Variants in CFAP299 observed in about 807,000 individuals in gnomAD.
The protein encoded by CFAP299 is cilia- and flagella-associated protein 299.
A neutral mutation model predicts 27.0 loss-of-function variants in CFAP299; 21 were observed. The ratio of observed to expected loss-of-function variants is 0.78; its 90% CI spans 0.55 to 1.12. CFAP299 has a LOEUF of 1.12. Among genes scored for constraint, CFAP299 ranks in the 50% most tolerant of loss-of-function variants. CFAP299 has a pLI of 0.00. For synonymous variants in CFAP299, 104 were observed against 98.1 expected, an observed-to-expected ratio of 1.06 and a Z score of -0.36; for missense variants, 310 against 276.6, an observed-to-expected ratio of 1.12 and a Z score of -0.86.
At chr4:80,422,491 G>T (rs916486390) in intron 2 of CFAP299, among the ~76,000 whole-genome samples, 4 of 152,052 alleles carry the variant, frequency 2.6e-5, no homozygotes, top group Non-Finnish European at 5.9e-5. Flanking sequence ...TACTTGCAAG[G>T]TCTTGTACTT....
At chr4:80,824,916 T>G (rs1026052136) in intron 3 of CFAP299, among the ~76,000 whole-genome samples, 4 of 151,938 alleles carry the variant, frequency 2.6e-5, no homozygotes, top group African/African-American at 9.7e-5. Context: ...AACAAAAAAT[T>G]TCTCCAGAAA....
At chr4:80,751,837 GT>G (rs1724943507) in intron 3 of CFAP299, among the ~76,000 whole-genome samples, 1 of 152,136 alleles carries the variant, frequency 6.6e-6, no homozygotes, top group African/African-American at 2.4e-5. Flanking sequence ...AACTTGTAAG[GT>G]GCATTAGAAG....
chr4:80,600,669 T>C (rs556234110), intron 3 of CFAP299, among the ~76,000 whole-genome samples: 1 of 152,274 alleles, frequency 6.6e-6, no homozygotes, highest in African/African-American at 2.4e-5. Context: ...TTCTTCTCAC[T>C]ATTGAAAAGG....
chr4:80,786,037 C>T (rs1258317130), intron 3 of CFAP299, among the ~76,000 whole-genome samples: 1 of 152,066 alleles, frequency 6.6e-6, no homozygotes, highest in Non-Finnish European at 1.5e-5. Context: ...TTCAAAAGGA[C>T]CTCCACATAT....
At chr4:80,873,252 T>G (rs1733202997) in intron 4 of CFAP299, among the ~76,000 whole-genome samples, 1 of 152,158 alleles carries the variant, frequency 6.6e-6, no homozygotes. Flanking sequence ...AGTCTCTATA[T>G]CCTTACCTTT....
chr4:80,378,475 A>G (rs1166804703), intron 2 of CFAP299, among the ~76,000 whole-genome samples: 1 of 151,500 alleles, frequency 6.6e-6, no homozygotes, highest in African/African-American at 2.4e-5. Flanking sequence ...AGAGAAGGGG[A>G]TATTGTTTTT....
chr4:80,415,898 T>G (rs985905730), intron 2 of CFAP299, among the ~76,000 whole-genome samples: 5 of 152,190 alleles, frequency 3.3e-5, no homozygotes, highest in African/African-American at 1.2e-4. Context: ...GTGATTACTA[T>G]AGGCTGAAAT....
intron 4 of CFAP299, among the ~76,000 whole-genome samples, chr4:80,941,139 G>A (rs1737172532): frequency 6.6e-6 from 1 of 152,112 alleles, no homozygotes; most frequent in Non-Finnish European, 1.5e-5. Flanking sequence ...CAATGTAAAT[G>A]TTGTATAAAT....
chr4:80,944,558 A>G (rs567769732), intron 4 of CFAP299, among the ~76,000 whole-genome samples: 1 of 152,332 alleles, frequency 6.6e-6, no homozygotes, highest in African/African-American at 2.4e-5. Flanking sequence ...ATAGTACTGT[A>G]ATAGGCCCTA....
chr4:80,572,941 C>T (rs375192861), intron 2 of CFAP299, among the ~76,000 whole-genome samples: 33 of 152,178 alleles, frequency 2.2e-4, no homozygotes, highest in South Asian at 8.3e-4. Flanking sequence ...CAAACATGAG[C>T]GTGCAGACAT....
intron 2 of CFAP299, among the ~76,000 whole-genome samples, chr4:80,430,750 A>C (rs1727773729): frequency 6.6e-6 from 1 of 152,106 alleles, no homozygotes; most frequent in Non-Finnish European, 1.5e-5. Context: ...AGTACATGGC[A>C]TCCCCAGCCA....
At chr4:80,857,061 G>C (rs1447085979) in intron 3 of CFAP299, among the ~76,000 whole-genome samples, 3 of 152,068 alleles carry the variant, frequency 2.0e-5, no homozygotes, top group African/African-American at 7.2e-5. Context: ...CCATTTGTTT[G>C]TATCCTCTTT....
At chr4:80,831,172 C>G (rs576069144) in intron 3 of CFAP299, among the ~76,000 whole-genome samples, 2 of 152,084 alleles carry the variant, frequency 1.3e-5, no homozygotes, top group East Asian at 3.9e-4. Context: ...AACAAGCTGA[C>G]TGTAATTAAA....
At position 80,870,144 on chromosome 4, in the gene CFAP299, CATACA is replaced by C; in HGVS notation, c.476+12_476+16del. On this transcript the variant is annotated intron_variant, in intron 4 of 5. Transcript: ENST00000358105. ...AGGCCTACAGATATAAGGTAAATTA[CATACA>C]ATTTTTGCACCCTTAGAGGCAGGGA... 3 of 1,591,454 alleles carry C rather than the reference CATACA, an allele frequency of 1.9e-6. No homozygotes were observed. The highest frequency in any genetic ancestry group is 2.6e-6 in the Non-Finnish European group (3 of 1,169,342).
At chr4:80,377,703 C>T (rs1724487471) in intron 2 of CFAP299, among the ~76,000 whole-genome samples, 1 of 152,072 alleles carries the variant, frequency 6.6e-6, no homozygotes, top group Non-Finnish European at 1.5e-5. Context: ...TACATCTTAA[C>T]ATATTGAGTC....
At chr4:80,351,355 A>T (rs1723007288) in intron 1 of CFAP299, among the ~76,000 whole-genome samples, 1 of 152,192 alleles carries the variant, frequency 6.6e-6, no homozygotes, top group Admixed American at 6.5e-5. Flanking sequence ...AGCACAAAAG[A>T]TAGCAGAGGA....
At chr4:80,931,079 C>A (rs868820736) in intron 4 of CFAP299, among the ~76,000 whole-genome samples, 1 of 151,976 alleles carries the variant, frequency 6.6e-6, no homozygotes, top group Non-Finnish European at 1.5e-5. Flanking sequence ...TCCCAAATAC[C>A]TAAAAGTGTT....
chr4:80,353,097 A>G (rs1723091766), intron 1 of CFAP299, among the ~76,000 whole-genome samples: 1 of 152,184 alleles, frequency 6.6e-6, no homozygotes, highest in Non-Finnish European at 1.5e-5. Flanking sequence ...GAAAAATAAT[A>G]GAGATCAATG....
At chr4:80,599,406 G>A (rs1227049240) in intron 3 of CFAP299, among the ~76,000 whole-genome samples, 1 of 152,100 alleles carries the variant, frequency 6.6e-6, no homozygotes, top group Non-Finnish European at 1.5e-5. Flanking sequence ...TTACAGTTAT[G>A]TGCCTAACAT....
Sources: gnomAD v4.1 joint callset for allele counts (sites outside exome capture counted in the v4.1 genomes callset) on GRCh38, gnomAD v4.1.1 for gene constraint, MANE v1.5 for transcripts, NCBI Gene and HGNC (gene_info 2026-07-23, HGNC 2026-07-21) for gene names.